Variants in LRBA observed in about 807,000 individuals in gnomAD.
LRBA encodes the protein LPS responsive beige-like anchor protein, also known as lipopolysaccharide-responsive and beige-like anchor protein.
A neutral mutation model predicts 330.0 loss-of-function variants in LRBA; 176 were observed. The ratio of observed to expected loss-of-function variants is 0.53; its 90% confidence interval spans 0.47 to 0.60. The LOEUF (loss-of-function observed/expected upper bound fraction) is 0.60, where lower values mean the gene tolerates loss of function less well. Among genes scored for constraint, LRBA ranks in the 20% least tolerant of loss-of-function variants. The pLI is 0.00. For missense variants in LRBA, 3,259 were observed against 3,444.8 expected (o/e 0.95, Z 1.35); for synonymous variants, 1,230 against 1,193.0 (o/e 1.03, Z -0.64).
intron 37 of LRBA, among the ~76,000 whole-genome samples, chr4:150,640,745 C>G (rs1778597123): frequency 6.6e-6 from 1 of 152,088 alleles, no homozygotes; most frequent in African/African-American, 2.4e-5. Context: ...ACTTGAACTT[C>G]CCATCCAATA....
intron 35 of LRBA, among the ~76,000 whole-genome samples, chr4:150,751,270 T>C (rs1342158197): frequency 6.6e-6 from 1 of 152,164 alleles, no homozygotes; most frequent in Non-Finnish European, 1.5e-5. Flanking sequence ...GAAGCATATA[T>C]ATCTTTTCCT....
intron 2 of LRBA, among the ~76,000 whole-genome samples, chr4:150,998,214 T>C (rs1742906100): frequency 6.6e-6 from 1 of 151,316 alleles, no homozygotes; most frequent in African/African-American, 2.4e-5. Context: ...TTAGCCAGGC[T>C]TGGTGGTGCA....
rs531805265 is a variant in LRBA, at chr4:150,625,891, G to A, written c.5922-26760C>T. 1.6e-3 allele frequency among the ~76,000 whole-genome samples: 244 copies of A among 151,150 alleles called. 1 individual carries two copies. The highest frequency in any genetic ancestry group is 3.7e-3 in the Admixed American group (56 of 15,186). On this transcript the variant is annotated intron_variant, in intron 37 of 56. Coordinates refer to ENST00000651943, the MANE Select transcript of LRBA (RefSeq NM_001364905.1). ...CACCCGGCTAATTTTTGTATTTTTA[G>A]TAGAGACAGGGTTTCGCCATGTTGG...
Position 150,409,790 on chromosome 4 carries a change from A to G in LRBA, c.7194+5648T>C, listed in dbSNP as rs1179825057. 3.3e-5 allele frequency among the ~76,000 whole-genome samples: 5 copies of G among 152,254 alleles called. No individual in the cohort carries two copies. The East Asian group carries it at 7.7e-4, about 24-fold the overall frequency. ...TCTTATTTAGGTGTCCTCGTTTTTT[A>G]ACTAAAAATTTCACAGTAAATTACA... On this transcript the variant is annotated intron_variant, in intron 47 of 56. Transcript: ENST00000651943.
intron 54 of LRBA, among the ~76,000 whole-genome samples, chr4:150,284,012 CA>C (rs1264990760): frequency 6.6e-6 from 1 of 151,954 alleles, no homozygotes; most frequent in African/African-American, 2.4e-5. Flanking sequence ...TATTGGCCAA[CA>C]AAGATGAAAC....
At chr4:150,691,036 T>G (rs1196753815) in intron 36 of LRBA, among the ~76,000 whole-genome samples, 1 of 150,642 alleles carries the variant, frequency 6.6e-6, no homozygotes, top group Non-Finnish European at 1.5e-5. Flanking sequence ...TTCACGCCAT[T>G]CTCCTGCCTC....
At chr4:150,985,169 G>GA (rs200999693) in intron 2 of LRBA, among the ~76,000 whole-genome samples, 2,012 of 150,704 alleles carry the variant, frequency 0.013, 17 homozygotes, top group Non-Finnish European at 0.019. Context: ...TGAGGCAGGA[G>GA]AATCACTTGA....
At chr4:150,431,855 G>C (rs1239897080) in intron 46 of LRBA, among the ~76,000 whole-genome samples, 1 of 151,902 alleles carries the variant, frequency 6.6e-6, no homozygotes, top group Non-Finnish European at 1.5e-5. Flanking sequence ...CAATGATGCA[G>C]AGAAATACAA....
At chr4:150,757,979 G>A (rs1159794033) in intron 35 of LRBA, among the ~76,000 whole-genome samples, 1 of 152,026 alleles carries the variant, frequency 6.6e-6, no homozygotes, top group Non-Finnish European at 1.5e-5. Context: ...TCAGAGAAAG[G>A]GTACTATGAA....
rs1447521085 is a variant in LRBA, at chr4:150,475,512, T to A, written c.6552-3773A>T. Among the ~76,000 whole-genome samples, 45 of 152,172 alleles carry A rather than the reference T, an allele frequency of 3.0e-4. 1 individual carries two copies. Among genetic ancestry groups the A allele is most frequent in the Non-Finnish European group, 5.9e-5 (4 of 68,036 alleles). ...TTCTTTTTGAGCCAGTTTTGGCAAT[T>A]CTGTTTTTCTAAGAATTTGTCCGTA... On this transcript the variant is annotated intron_variant, in intron 42 of 56. Transcript: ENST00000651943.
chr4:150,754,432 A>G (rs1733992461), intron 35 of LRBA, among the ~76,000 whole-genome samples: 1 of 151,360 alleles, frequency 6.6e-6, no homozygotes. Flanking sequence ...ATACTAATAC[A>G]ATCCAGGATT....
rs1228811448 is a variant in LRBA at position 150,654,104 on chromosome 4, A to ATTT, written c.5921+29444_5921+29446dup. ...CCTTTGGCTTCCAATTCAGCCATTG[A>ATTT]TTTAAAAATTTTTAATTCTATTTTA... On this transcript the variant is annotated intron_variant, in intron 37 of 56. Coordinates refer to ENST00000651943, the MANE Select transcript of LRBA (RefSeq NM_001364905.1). Among the ~76,000 whole-genome samples, 9 of 152,266 alleles carry ATTT rather than the reference A, an allele frequency of 5.9e-5. 1 individual carries two copies. Among genetic ancestry groups the ATTT allele is most frequent in the Admixed American group, 5.9e-4 (9 of 15,302 alleles).
chr4:150,585,718 T>C (rs576810182), intron 40 of LRBA, among the ~76,000 whole-genome samples: 6 of 152,192 alleles, frequency 3.9e-5, no homozygotes, highest in Non-Finnish European at 5.9e-5. Flanking sequence ...TTATTCTTTG[T>C]ATTAGCCCAG....
At position 150,852,462 on chromosome 4, in the gene LRBA, C is replaced by T. The variant is rs1267546771; in HGVS notation, c.3248G>A (p.Ser1083Asn). Residue 1083 changes from serine to asparagine, a missense_variant, in exon 23 of 57, where the codon AGT (serine) becomes AAT (asparagine). Coordinates refer to ENST00000651943, the MANE Select transcript of LRBA (RefSeq NM_001364905.1). ...TGAGGCATCCTCTTCTGAAGGAGAA[C>T]TTATAGAAGCAGTTACTTCACTGAC... The part of the protein sequence containing the change: ...MTVSEVTASI[S>N]SPSEEDASEM... 1 of 1,613,624 alleles carries T rather than the reference C, an allele frequency of 6.2e-7. No homozygotes were observed. Among genetic ancestry groups the T allele is most frequent in the African/African-American group, 1.3e-5 (1 of 75,038 alleles).
rs536924961 is a variant in LRBA, at chr4:150,589,072, C to G, written c.6194-888G>C. 5.6e-3 allele frequency among the ~76,000 whole-genome samples: 833 copies of G among 148,832 alleles called. 7 individuals are homozygous for G. The highest frequency in any genetic ancestry group is 0.018 in the African/African-American group (747 of 40,890). ...ACACACACACACACACACACACACA[C>G]AGAGAGAGAGAGATCGACGTAGAAA... On this transcript the variant is annotated intron_variant, in intron 39 of 56. Coordinates refer to ENST00000651943, the MANE Select transcript of LRBA (RefSeq NM_001364905.1).
intron 2 of LRBA, among the ~76,000 whole-genome samples, chr4:150,994,002 T>C (rs928895043): frequency 7.3e-5 from 11 of 150,318 alleles, no homozygotes; most frequent in African/African-American, 2.7e-4. Context: ...GAGGCAGAGG[T>C]TGCAGTGAGC....
intron 35 of LRBA, among the ~76,000 whole-genome samples, chr4:150,752,397 G>A (rs1464854592): frequency 2.6e-5 from 4 of 152,066 alleles, no homozygotes; most frequent in Non-Finnish European, 4.4e-5. Context: ...AATAAGGGAT[G>A]TAAAGGTTCT....
intron 47 of LRBA, among the ~76,000 whole-genome samples, chr4:150,382,622 C>CAA (rs112630500): frequency 0.017 from 1,872 of 111,482 alleles, 36 homozygotes; most frequent in African/African-American, 0.059. Context: ...GACTCTGTTT[C>CAA]AAAAAAAAAA....
At chr4:150,410,485 C>T (rs1247220897) in intron 47 of LRBA, among the ~76,000 whole-genome samples, 1 of 151,968 alleles carries the variant, frequency 6.6e-6, no homozygotes, top group Non-Finnish European at 1.5e-5. Flanking sequence ...CTATTTGTGT[C>T]ACCATTATGA....
Sources: gnomAD v4.1 joint callset for allele counts (sites outside exome capture counted in the v4.1 genomes callset) on GRCh38, gnomAD v4.1.1 for gene constraint, MANE v1.5 for transcripts, NCBI Gene and HGNC (gene_info 2026-07-23, HGNC 2026-07-21) for gene names.